Variants in NPAS2 observed in about 807,000 individuals in gnomAD.
NPAS2 encodes the protein neuronal PAS domain-containing protein 2.
In NPAS2, 23 loss-of-function variants were observed where a neutral mutation model predicts 107.5. That is an observed-to-expected ratio of 0.21 (90% CI 0.15 to 0.30). NPAS2 has a LOEUF of 0.30. NPAS2 is among the 10% of genes least tolerant of loss of function. The pLI is 1.00. For missense variants in NPAS2, 756 were observed against 1,043.3 expected (o/e 0.72, Z 3.79); for synonymous variants, 403 against 417.5 (o/e 0.97, Z 0.42).
In NPAS2 at chr2:100,891,511, TCCC is replaced by T. The variant is rs1573557623; in HGVS notation, c.-22-13221_-22-13219del. Among the ~76,000 whole-genome samples the T allele has an allele frequency of 4.6e-5, 7 of 152,232 alleles. No individual in the cohort carries two copies. In the East Asian group the frequency reaches 1.4e-3, roughly 29 times the overall value. On this transcript the variant is annotated intron_variant, in intron 1 of 20. Transcript: ENST00000335681. ...GGGAGGCAATTAACCAGATGAGGCGTCCCAACAGATTCTCCTATCGATTGTGAA... is the reference window on the plus strand; with the variant it reads ...GGGAGGCAATTAACCAGATGAGGCGTAACAGATTCTCCTATCGATTGTGAA...
At chr2:100,990,751 G>A in intron 18 of NPAS2, 29 bp from the exon 19 acceptor site, 1 of 1,597,904 alleles carries the variant, frequency 6.3e-7, no homozygotes, top group Non-Finnish European at 8.6e-7. Flanking sequence ...GTGCTGATCA[G>A]TTTCCTATTT....
intron 15 of NPAS2, 102 bp from the exon 16 acceptor site, chr2:100,982,129 A>G (rs961053755): frequency 1.3e-5 from 18 of 1,377,246 alleles, no homozygotes; most frequent in Non-Finnish European, 1.7e-5. Flanking sequence ...AAAGACGGCT[A>G]AGGGACGGAA....
intron 1 of NPAS2, among the ~76,000 whole-genome samples, chr2:100,845,633 T>G (rs934088992): frequency 4.6e-5 from 7 of 152,228 alleles, no homozygotes; most frequent in Non-Finnish European, 7.3e-5. Context: ...AGTTTCATAC[T>G]TGGCCATGGG....
chr2:100,889,908 G>A (rs919161645), intron 1 of NPAS2, among the ~76,000 whole-genome samples: 2 of 150,890 alleles, frequency 1.3e-5, no homozygotes, highest in Non-Finnish European at 3.0e-5. Flanking sequence ...GTAGATTTGT[G>A]TAGATGCCTT....
At chr2:100,891,732 A>G (rs568467977) in intron 1 of NPAS2, among the ~76,000 whole-genome samples, 1 of 152,236 alleles carries the variant, frequency 6.6e-6, no homozygotes, top group Non-Finnish European at 1.5e-5. Flanking sequence ...AACTCTTGAT[A>G]TTAAACCCAA....
chr2:100,819,643 A>T (rs923824396), upstream of NPAS2, among the ~76,000 whole-genome samples: 1 of 152,054 alleles, frequency 6.6e-6, no homozygotes, highest in East Asian at 1.9e-4. The surrounding 1 kb of genome is among the most constrained non-coding windows in gnomAD (Gnocchi z 5.8). Context: ...TGCGCGGGAC[A>T]GCAGGGTGGC....
intron 1 of NPAS2, among the ~76,000 whole-genome samples, chr2:100,841,428 G>A (rs1340170508): frequency 6.6e-6 from 1 of 152,184 alleles, no homozygotes; most frequent in Non-Finnish European, 1.5e-5. Flanking sequence ...ATGAAAGAGC[G>A]AAACTCCGTC....
At chr2:100,857,732 G>T (rs940673655) in intron 1 of NPAS2, among the ~76,000 whole-genome samples, 1 of 152,212 alleles carries the variant, frequency 6.6e-6, no homozygotes, top group African/African-American at 2.4e-5. Flanking sequence ...CTGTGCACCC[G>T]GCGTCTGCTA....
In NPAS2 at chr2:100,858,542, T is replaced by TG. The variant is rs1279689995; in HGVS notation, c.-23+38130dup. ...TGTTCCCTTTCGTTATGGGGAAGGC[T>TG]GGCCTGATGTGGTGGGGCTGGAAGA... On this transcript the variant is annotated intron_variant, in intron 1 of 20. Transcript: ENST00000335681. 3.9e-5 allele frequency among the ~76,000 whole-genome samples: 6 copies of TG among 152,302 alleles called. No individual in the cohort carries two copies. In the East Asian group the frequency reaches 7.7e-4, roughly 20 times the overall value.
intron 1 of NPAS2, among the ~76,000 whole-genome samples, chr2:100,862,011 T>C (rs1678972784): frequency 6.6e-6 from 1 of 152,222 alleles, no homozygotes; most frequent in African/African-American, 2.4e-5. Context: ...CTATATGTAG[T>C]ATTTAAAATC....
In NPAS2 at chr2:100,968,318, G is replaced by C. The variant is rs771894710; in HGVS notation, c.945G>C (p.Arg315=). Residue 315 remains arginine (R), a synonymous_variant, in exon 11 of 21, where the codon CGG becomes CGC. Transcript: ENST00000335681. The surrounding 1 kb of genome is among the most constrained non-coding windows in gnomAD (Gnocchi z 5.3). ...GCAAAGGGAAGTCGTGTTGCTACCG[G>C]TTTCTGACCAAAGGTCAGCAGTGGA... is the stretch of plus-strand genomic sequence containing the variant. ...QFGKGKSCCY[R]FLTKGQQWIW... is the part of the protein sequence containing the mutation. 1 of 1,614,120 alleles carries C rather than the reference G, an allele frequency of 6.2e-7. No homozygotes were observed. The highest frequency in any genetic ancestry group is 8.5e-7 in the Non-Finnish European group (1 of 1,180,014).
intron 2 of NPAS2, among the ~76,000 whole-genome samples, chr2:100,906,541 T>C (rs1368739183): frequency 6.6e-6 from 1 of 152,234 alleles, no homozygotes; most frequent in African/African-American, 2.4e-5. Flanking sequence ...TAAATATTCA[T>C]CATTACATGT....
At chr2:100,946,711 G>A (rs1674919272) in intron 5 of NPAS2, among the ~76,000 whole-genome samples, 1 of 152,220 alleles carries the variant, frequency 6.6e-6, no homozygotes, top group African/African-American at 2.4e-5. Context: ...AGGCACTAAA[G>A]TGGATGTGGG....
intron 11 of NPAS2, chr2:100,970,748 T>A (rs1156549616): frequency 4.8e-6 from 2 of 417,408 alleles, no homozygotes; most frequent in Non-Finnish European, 8.5e-6. Flanking sequence ...GAGAGGGGAA[T>A]AAAGACATCC....
At chr2:100,983,322 C>T (rs990032851) in intron 16 of NPAS2, 2 of 152,378 alleles carry the variant, frequency 1.3e-5, no homozygotes, top group African/African-American at 2.4e-5. Flanking sequence ...CGGGTTCTGT[C>T]GGGGCACAGC....
intron 1 of NPAS2, among the ~76,000 whole-genome samples, chr2:100,848,239 G>A (rs141601215): frequency 3.0e-4 from 45 of 152,264 alleles, no homozygotes; most frequent in Non-Finnish European, 5.4e-4. Context: ...AGTCCGGTGG[G>A]TCCTCAGTGG....
At chr2:100,832,565 C>T (rs777629509) in intron 1 of NPAS2, among the ~76,000 whole-genome samples, 8 of 152,140 alleles carry the variant, frequency 5.3e-5, no homozygotes, top group Non-Finnish European at 1.0e-4. Context: ...CACAGTCCCT[C>T]GGTGGGAGTT....
intron 3 of NPAS2, 127 bp downstream of exon 3, chr2:100,925,421 T>C: frequency 5.1e-6 from 5 of 986,410 alleles, no homozygotes; most frequent in Admixed American, 2.5e-5. Context: ...GGTCGAGGGC[T>C]TCCCATTGTA....
intron 7 of NPAS2, among the ~76,000 whole-genome samples, chr2:100,962,140 A>G (rs957758367): frequency 2.0e-5 from 3 of 152,192 alleles, no homozygotes; most frequent in African/African-American, 7.2e-5. Context: ...AACTTGTGAC[A>G]GATGTAAGCT....
Sources: gnomAD v4.1 joint callset for allele counts (sites outside exome capture counted in the v4.1 genomes callset) on GRCh38, gnomAD v4.1.1 for gene constraint, Gnocchi (gnomAD v3.1) non-coding constraint, MANE v1.5 for transcripts, NCBI Gene and HGNC (gene_info 2026-07-23, HGNC 2026-07-21) for gene names.